The following PTPN21 variants were observed in gnomAD, a reference collection of about 807,000 sequenced individuals.
PTPN21 encodes protein tyrosine phosphatase non-receptor type 21.
In PTPN21, 77 loss-of-function variants were observed where a neutral mutation model predicts 131.8. That is an observed-to-expected ratio of 0.58 (90% confidence interval 0.49 to 0.71). The LOEUF is 0.71. Among genes scored for constraint, PTPN21 ranks in the 30% least tolerant of loss-of-function variants. PTPN21 has a pLI of 0.00. For missense variants in PTPN21, 1,552 were observed against 1,527.1 expected, an observed-to-expected ratio of 1.02 and a Z score of -0.27; for synonymous variants, 715 against 621.3, an observed-to-expected ratio of 1.15 and a Z score of -2.24.
chr14:88,493,738 G>A (rs760358233), intron 10 of PTPN21, among the ~76,000 whole-genome samples: 2 of 151,890 alleles, frequency 1.3e-5, no homozygotes, highest in Non-Finnish European at 3.0e-5. Context: ...AAGGTTGTGG[G>A]AATTGAGTGC....
At chr14:88,483,104 C>T (rs190975292) in intron 12 of PTPN21, among the ~76,000 whole-genome samples, 5,557 of 150,732 alleles carry the variant, frequency 0.037, 330 homozygotes, top group African/African-American at 0.13. Flanking sequence ...CCCAGCTACT[C>T]AGGAGGCTGA....
chr14:88,482,138 A>C (rs1303473349), intron 12 of PTPN21, among the ~76,000 whole-genome samples: 2 of 152,188 alleles, frequency 1.3e-5, no homozygotes, highest in African/African-American at 4.8e-5. Context: ...GCAGCATGTG[A>C]ACGGAAGGGT....
chr14:88,492,037 A>C (rs1276693322), intron 10 of PTPN21, among the ~76,000 whole-genome samples: 2 of 151,678 alleles, frequency 1.3e-5, no homozygotes, highest in African/African-American at 4.8e-5. Context: ...CAAAAAAAAA[A>C]ACACAAAACA....
At position 88,479,901 on chromosome 14, in the gene PTPN21, G is replaced by A. The variant is rs777831177; in HGVS notation, c.1530C>T (p.Cys510=). 2.6e-5 allele frequency: 42 copies of A among 1,596,582 alleles called. No homozygotes were observed. The highest frequency in any genetic ancestry group is 3.4e-5 in the Admixed American group (2 of 59,700). ...AQLPSPAAAH[C]PFSLSYSFHS... ...GGAAGCTGTAGCTCAGGCTGAACGG[G>A]CAGTGTGCGGCCGCTGGCGAGGGGA... Residue 510 remains cysteine (C), a synonymous_variant, in exon 13 of 19, where the codon TGC becomes TGT. Transcript: ENST00000556564.
intron 15 of PTPN21, 70 bp downstream of exon 15, chr14:88,472,169 GAATAC>G: frequency 1.2e-6 from 1 of 836,572 alleles, no homozygotes. Context: ...AAACAGACAT[GAATAC>G]AATTCTTACC....
At chr14:88,474,957 T>C (rs1221572210) in intron 13 of PTPN21, among the ~76,000 whole-genome samples, 7 of 152,080 alleles carry the variant, frequency 4.6e-5, no homozygotes, top group Admixed American at 4.6e-4. Context: ...CTGGGCGTGG[T>C]GGCACATGCC....
At chr14:88,500,130 A>AT (rs1213284699) in intron 8 of PTPN21, among the ~76,000 whole-genome samples, 1 of 142,152 alleles carries the variant, frequency 7.0e-6, no homozygotes, top group Non-Finnish European at 1.5e-5. Flanking sequence ...AAAGCTCTAT[A>AT]TTTTTCATAG....
chr14:88,521,954 CTG>C (rs1417041044), intron 2 of PTPN21, among the ~76,000 whole-genome samples: 1 of 152,134 alleles, frequency 6.6e-6, no homozygotes, highest in Non-Finnish European at 1.5e-5. Flanking sequence ...GAAAGGAAAA[CTG>C]TTAAAATATG....
At position 88,480,166 on chromosome 14, in the gene PTPN21, G is replaced by C. The variant is rs201110039; in HGVS notation, c.1265C>G (p.Thr422Ser). The C allele has an allele frequency of 4.3e-6, 7 of 1,614,152 alleles. No homozygotes were observed. Among genetic ancestry groups the C allele is most frequent in the African/African-American group, 4.0e-5 (3 of 75,034 alleles). The change falls in exon 13 of 19, where the codon ACC (threonine) becomes AGC (serine). Residue 422 changes from threonine (T) to serine (S), a missense_variant. Coordinates refer to ENST00000556564, the MANE Select transcript of PTPN21 (RefSeq NM_007039.4). ...PSPMSSNPSITGSDVMRPDYL... is the reference protein window; with the variant it reads ...PSPMSSNPSISGSDVMRPDYL... ...GTCAGGCCTCATGACGTCACTCCCG[G>C]TGATGCTAGGGTTGGACGACATCGG...
chr14:88,486,178 A>G (rs2077729510), intron 10 of PTPN21, among the ~76,000 whole-genome samples: 1 of 152,154 alleles, frequency 6.6e-6, no homozygotes, highest in Non-Finnish European at 1.5e-5. Flanking sequence ...ACAAGGCTAC[A>G]TCACCCACAC....
rs28617592 is a variant in PTPN21, at chr14:88,479,709, G to C, written c.1722C>G (p.Pro574=). 1 of 1,501,502 alleles carries C rather than the reference G, an allele frequency of 6.7e-7. No individual in the cohort carries two copies. Among genetic ancestry groups the C allele is most frequent in the Non-Finnish European group, 8.8e-7 (1 of 1,135,916 alleles). The allele number at this position is 1,501,502 out of a possible 1,614,324, so 93.0% of individuals were successfully genotyped here. The change falls in exon 13 of 19, where the codon CCC becomes CCG. Residue 574 remains proline, a synonymous_variant. Coordinates refer to ENST00000556564, the MANE Select transcript of PTPN21 (RefSeq NM_007039.4). ...GGGACAGGTCTGGCGTGCTGTTGGC[G>C]GGCCTGGGGGGCGGGTAGGGTGGGG... ...RPPPPYPPPR[P]ANSTPDLSRH...
intron 8 of PTPN21, among the ~76,000 whole-genome samples, 196 bp downstream of exon 8, chr14:88,500,587 T>C (rs1354444812): frequency 2.0e-5 from 3 of 152,194 alleles, no homozygotes; most frequent in South Asian, 4.1e-4. Flanking sequence ...ACTCTGGACA[T>C]AGAGTTTTGA....
Position 88,479,489 on chromosome 14 carries a change from C to G in PTPN21, c.1942G>C (p.Glu648Gln), listed in dbSNP as rs747390835. 6.2e-7 allele frequency: 1 copy of G among 1,601,706 alleles called. No individual in the cohort carries two copies. Among genetic ancestry groups the G allele is most frequent in the Non-Finnish European group, 8.5e-7 (1 of 1,179,150 alleles). Residue 648 changes from glutamate to glutamine, a missense_variant, in exon 13 of 19, where the codon GAG becomes CAG. Glu to Gln is a conservative substitution (Grantham distance 29, BLOSUM62 2). Around this residue, in one of 4 missense-constraint regions of PTPN21, gnomAD observed 1,016 missense variants for 883.5 expected, o/e 1.15. Transcript: ENST00000556564. The stretch of plus-strand genomic sequence containing the variant: ...GTGCGCTCCTTGAGCCGCAGGCCCT[C>G]CAGGCCGTGGCTGAGCCCGGCCACC... Reference protein sequence around the residue: ...IEVAGLSHGLEGLRLKERTLS... With the variant: ...IEVAGLSHGLQGLRLKERTLS...
chr14:88,477,011 A>G (rs2077556230), intron 13 of PTPN21, among the ~76,000 whole-genome samples: 1 of 152,146 alleles, frequency 6.6e-6, no homozygotes, highest in South Asian at 2.1e-4. Context: ...AAAGTACGTG[A>G]GTCACACATA....
intron 3 of PTPN21, chr14:88,515,084 G>A (rs947120426): frequency 6.6e-6 from 1 of 152,194 alleles, no homozygotes; most frequent in Non-Finnish European, 1.5e-5. Context: ...AGGATGCGCT[G>A]AGGATGCTGG....
rs116227513 is a variant in PTPN21 at position 88,504,759 on chromosome 14, T to C, written c.517-264A>G. On this transcript the variant is annotated intron_variant, in intron 5 of 18. Coordinates refer to ENST00000556564, the MANE Select transcript of PTPN21 (RefSeq NM_007039.4). ...GTTATGTCAAGTTGGTGACAGTAGT[T>C]AGCCAGTCCTGAGCCCAGCAAGATA... 5.9e-3 allele frequency among the ~76,000 whole-genome samples: 902 copies of C among 152,270 alleles called. 11 individuals are homozygous for C. The highest frequency in any genetic ancestry group is 0.021 in the African/African-American group (869 of 41,554).
intron 10 of PTPN21, among the ~76,000 whole-genome samples, chr14:88,489,612 C>T (rs60568887): frequency 0.037 from 5,602 of 152,130 alleles, 345 homozygotes; most frequent in African/African-American, 0.13. Context: ...ATCACACCAC[C>T]ACACTCCAGC....
intron 10 of PTPN21, among the ~76,000 whole-genome samples, chr14:88,495,028 A>G (rs2077887044): frequency 8.0e-6 from 1 of 124,986 alleles, no homozygotes; most frequent in Non-Finnish European, 1.7e-5. Context: ...AAAAAAAAAA[A>G]AAAAAAAAAA....
intron 10 of PTPN21, among the ~76,000 whole-genome samples, chr14:88,488,556 TGGTTTCCA>T (rs2140112669): frequency 6.6e-6 from 1 of 152,350 alleles, no homozygotes; most frequent in South Asian, 2.1e-4. Flanking sequence ...CTGTTGGCTG[TGGTTTCCA>T]AACTTTTTGG....
Sources: allele counts gnomAD v4.1 joint callset (sites outside exome capture counted in the v4.1 genomes callset), GRCh38; gene constraint gnomAD v4.1.1; regional missense constraint gnomAD v4.1.1; transcripts MANE v1.5; gene names NCBI Gene and HGNC (gene_info 2026-07-23, HGNC 2026-07-21).